Variants in SP3 observed in about 807,000 individuals in gnomAD.
SP3 encodes the protein transcription factor Sp3.
Under a neutral mutation model 70.3 loss-of-function variants are expected in SP3, and 10 were observed. The ratio of observed to expected loss-of-function variants is 0.14; its 90% CI spans 0.09 to 0.24. SP3 has a LOEUF of 0.24. Among genes scored for constraint, SP3 ranks in the 10% least tolerant of loss-of-function variants. The pLI is 1.00. For missense variants in SP3, 825 were observed against 914.6 expected (o/e 0.90, Z 1.26); for synonymous variants, 402 against 333.5 (o/e 1.21, Z -2.24).
At position 173,965,152 on chromosome 2, in the gene SP3, C is replaced by A. The variant is rs990342409; in HGVS notation, c.7+13G>T. On this transcript the variant is annotated intron_variant, in intron 1 of 6. Coordinates refer to ENST00000310015, the MANE Select transcript of SP3 (RefSeq NM_003111.5). The stretch of plus-strand genomic sequence containing the variant: ...GCGGCAGCAGCAAGGGTTGCTCTCT[C>A]GGCTTTACGTACCGGTCATAGTGTG... 6.5e-7 allele frequency: 1 copy of A among 1,547,196 alleles called. No homozygotes were observed. The highest frequency in any genetic ancestry group is 2.0e-5 in the Admixed American group (1 of 50,810).
At chr2:173,934,550 A>G (rs555924172) in intron 4 of SP3, among the ~76,000 whole-genome samples, 3 of 152,314 alleles carry the variant, frequency 2.0e-5, no homozygotes, top group Admixed American at 1.3e-4. Context: ...TACACCCTTT[A>G]AAGTTAACTT....
intron 4 of SP3, among the ~76,000 whole-genome samples, chr2:173,941,127 TAAAA>T (rs71021605): frequency 4.3e-5 from 4 of 92,992 alleles, no homozygotes; most frequent in Admixed American, 1.1e-4. Flanking sequence ...ACAACACGAG[TAAAA>T]AAAAAAAAAA....
At chr2:173,925,777 G>A (rs1004068410) in intron 4 of SP3, among the ~76,000 whole-genome samples, 13 of 152,006 alleles carry the variant, frequency 8.6e-5, no homozygotes, top group African/African-American at 2.9e-4. Context: ...ATAAGCTTTA[G>A]GGACTAGTTT....
chr2:173,949,015 A>G (rs902949109), intron 4 of SP3, among the ~76,000 whole-genome samples: 1 of 152,156 alleles, frequency 6.6e-6, no homozygotes, highest in African/African-American at 2.4e-5. Context: ...AACAGTGTAA[A>G]AGTCTTACAC....
At chr2:173,964,756 T>TCCTCCTCCTCCTCTTTC (rs1206317242) in intron 1 of SP3, 10 of 325,822 alleles carry the variant, frequency 3.1e-5, no homozygotes, top group East Asian at 1.6e-4. Context: ...CCTGTAACCC[T>TCCTCCTCCTCCTCTTTC]CCTCCTCCTC....
At position 173,909,447 on chromosome 2, in the gene SP3, A is replaced by G. The variant is rs1328058573; in HGVS notation, c.*494T>C. Reference sequence around the variant, plus strand: ...ATTAGCTTCAAAATGACAAATTGATAAGCTAAGTAAAGCCTACACTATGTA... The same window carrying G: ...ATTAGCTTCAAAATGACAAATTGATGAGCTAAGTAAAGCCTACACTATGTA... On this transcript the variant is annotated 3_prime_UTR_variant, in exon 7 of 7. Transcript: ENST00000310015. 6.5e-6 allele frequency: 1 copy of G among 153,130 alleles called. No individual in the cohort carries two copies. Among genetic ancestry groups the G allele is most frequent in the Non-Finnish European group, 1.5e-5 (1 of 68,372 alleles). 9.5% of individuals were successfully genotyped at this position (153,130 alleles called of 1,614,324 possible). A position where few individuals can be genotyped will look rare whatever the true frequency, so the allele number is the denominator to read the frequency against.
rs1238676966 is a variant in SP3, at chr2:173,956,018, A to T, written c.494T>A (p.Val165Glu). 2.5e-6 allele frequency: 4 copies of T among 1,614,086 alleles called. No homozygotes were observed. In the African/African-American group the frequency reaches 4.0e-5, roughly 16 times the overall value. ...TATCACTTGATATTGAACACTGGAC[A>T]CTGTACCATTTGATGAATCTGATCC... ...APGSDSSNGT[V>E]SSVQYQVIPQ... Residue 165 changes from valine to glutamate, a missense_variant, in exon 4 of 7, where the codon GTG (valine) becomes GAG (glutamate). Physicochemically the swap from Val to Glu is moderately radical, Grantham distance 121 (BLOSUM62 -2). Coordinates refer to ENST00000310015, the MANE Select transcript of SP3 (RefSeq NM_003111.5).
intron 4 of SP3, 151 bp downstream of exon 4, chr2:173,954,722 T>C: frequency 1.4e-6 from 1 of 700,116 alleles, no homozygotes; most frequent in Non-Finnish European, 2.3e-6. Flanking sequence ...GAAGATACTT[T>C]GATGTCTACT....
At chr2:173,929,473 A>T (rs550779089) in intron 4 of SP3, among the ~76,000 whole-genome samples, 14 of 152,340 alleles carry the variant, frequency 9.2e-5, no homozygotes, top group African/African-American at 3.1e-4. Flanking sequence ...CTATTTATTA[A>T]AACAAGTTAT....
rs1371632762 is a variant in SP3, at chr2:173,907,026, A to T, written c.*2915T>A. The T allele has an allele frequency of 6.6e-6, 1 of 152,210 alleles. No homozygotes were observed. Among genetic ancestry groups the T allele is most frequent in the African/African-American group, 2.4e-5 (1 of 41,464 alleles). 9.4% of individuals were successfully genotyped at this position (152,210 alleles called of 1,614,324 possible). A position where few individuals can be genotyped will look rare whatever the true frequency, so the allele number is the denominator to read the frequency against. On this transcript the variant is annotated 3_prime_UTR_variant, in exon 7 of 7. Transcript: ENST00000310015. ...ATTTTGAAAGACCAAAGTTATTTAC[A>T]GGGCATCTGACTTTCTGCGGTAGGT...
chr2:173,960,538 G>A (rs1010597182), intron 3 of SP3, among the ~76,000 whole-genome samples: 1 of 152,096 alleles, frequency 6.6e-6, no homozygotes, highest in Admixed American at 6.6e-5. Flanking sequence ...TGACAGCACA[G>A]GTCTTATTTT....
At chr2:173,917,690 T>C (rs931893425) in intron 5 of SP3, among the ~76,000 whole-genome samples, 3 of 152,122 alleles carry the variant, frequency 2.0e-5, no homozygotes, top group African/African-American at 7.2e-5. Context: ...ACAAGGGATT[T>C]GGTTAAGTAT....
Position 173,955,720 on chromosome 2 carries a change from A to C in SP3, c.792T>G (p.Ile264Met). The C allele has an allele frequency of 6.2e-7, 1 of 1,614,212 alleles. No homozygotes were observed. The highest frequency in any genetic ancestry group is 8.5e-7 in the Non-Finnish European group (1 of 1,180,036). Residue 264 changes from isoleucine to methionine, a missense_variant, in exon 4 of 7, where the codon ATT becomes ATG. Transcript: ENST00000310015. ...ANVPLGLPGN[I>M]TFVPINSVDL... ...CGACACTATTGATTGGTACAAACGT[A>C]ATATTTCCTGGCAGACCAAGAGGCA...
At chr2:173,926,050 C>T (rs553351116) in intron 4 of SP3, among the ~76,000 whole-genome samples, 1 of 152,280 alleles carries the variant, frequency 6.6e-6, no homozygotes, top group South Asian at 2.1e-4. Flanking sequence ...AGATCTGAAG[C>T]TGCCTATTAT....
chr2:173,953,103 T>C (rs1053521427), intron 4 of SP3, among the ~76,000 whole-genome samples: 3 of 152,242 alleles, frequency 2.0e-5, no homozygotes, highest in African/African-American at 7.2e-5. Flanking sequence ...AGGGTCAAGA[T>C]TTAGTAAATA....
upstream of SP3, chr2:173,965,447 G>T: frequency 2.3e-6 from 1 of 429,004 alleles, no homozygotes. Context: ...GTGCTCATTG[G>T]TCCAGGCGCC....
At chr2:173,937,650 A>G (rs1690244185) in intron 4 of SP3, among the ~76,000 whole-genome samples, 1 of 152,236 alleles carries the variant, frequency 6.6e-6, no homozygotes, top group East Asian at 1.9e-4. Context: ...AATATTTTTT[A>G]ATCCAAATTT....
At chr2:173,921,410 T>C (rs1689750594) in intron 4 of SP3, among the ~76,000 whole-genome samples, 2 of 152,202 alleles carry the variant, frequency 1.3e-5, no homozygotes, top group Admixed American at 1.3e-4. Context: ...TCATGCTGAC[T>C]GGGCAGGGTG....
At chr2:173,938,463 A>T (rs1285613612) in intron 4 of SP3, among the ~76,000 whole-genome samples, 1 of 149,572 alleles carries the variant, frequency 6.7e-6, no homozygotes, top group Non-Finnish European at 1.5e-5. Context: ...TTGCCTCAAA[A>T]AAAAAAAAAA....
Sources: gnomAD v4.1 joint callset for allele counts (sites outside exome capture counted in the v4.1 genomes callset) on GRCh38, gnomAD v4.1.1 for gene constraint, MANE v1.5 for transcripts, NCBI Gene and HGNC (gene_info 2026-07-23, HGNC 2026-07-21) for gene names.